Variants in SH3YL1 observed in about 807,000 individuals in gnomAD.
The protein encoded by SH3YL1 is SH3 domain-containing YSC84-like protein 1.
Under a neutral mutation model 45.8 loss-of-function variants are expected in SH3YL1, and 41 were observed. The observed-to-expected ratio is 0.89, with a 90% CI of 0.70 to 1.16. SH3YL1 has a LOEUF of 1.16. Among genes scored for constraint, SH3YL1 ranks in the 50% most tolerant of loss-of-function variants. SH3YL1 has a pLI of 0.00. For synonymous variants in SH3YL1, 152 were observed against 151.4 expected, an observed-to-expected ratio of 1.00 and a Z score of -0.03; for missense variants, 389 against 409.6, an observed-to-expected ratio of 0.95 and a Z score of 0.43.
chr2:232,129 T>A (rs775833413), intron 6 of SH3YL1, among the ~76,000 whole-genome samples: 3 of 152,226 alleles, frequency 2.0e-5, no homozygotes, highest in Non-Finnish European at 4.4e-5. Flanking sequence ...TTTACACATA[T>A]TTTAGTGGCA....
Position 249,919 on chromosome 2 carries a change from G to C in SH3YL1, c.113-75C>G, listed in dbSNP as rs80217754. 3,157 of 1,032,632 alleles carry C rather than the reference G, an allele frequency of 3.1e-3. 62 individuals carry two copies. The African/African-American group carries it at 0.043, about 14-fold the overall frequency. The allele number at this position is 1,032,632 out of a possible 1,614,324, so 64.0% of individuals were successfully genotyped here. ...TGGATAGACGAGCAAGTGTTAAACA[G>C]AGTCAGTGTACACAGAGGTTATCTC... On this transcript the variant is annotated intron_variant, in intron 2 of 9. Transcript: ENST00000356150.
At chr2:262,360 G>C in intron 1 of SH3YL1, 1 of 258,960 alleles carries the variant, frequency 3.9e-6, no homozygotes. Context: ...CTTGTTTCCA[G>C]TCCCCCAACC....
chr2:257,206 C>A (rs577533298), intron 1 of SH3YL1, among the ~76,000 whole-genome samples: 2 of 152,088 alleles, frequency 1.3e-5, no homozygotes, highest in Admixed American at 1.3e-4. Flanking sequence ...TTGATAGTTT[C>A]TTTTGCTGTT....
Position 231,170 on chromosome 2 carries a change from T to A in SH3YL1, c.555A>T (p.Arg185=), listed in dbSNP as rs779882207. ...TNRKFYCQDI[R]AYDILFGDTP... is the part of the protein sequence containing the mutation. ...TATCTCCAAATAAAATGTCATAAGCTCGGATATCTTGACAATAAAATCTAA... is the reference window on the plus strand; with the variant it reads ...TATCTCCAAATAAAATGTCATAAGCACGGATATCTTGACAATAAAATCTAA... The change falls in exon 7 of 10, where the codon CGA becomes CGT. Residue 185 remains arginine (R), a synonymous_variant. Transcript: ENST00000356150. The A allele has an allele frequency of 3.7e-6, 6 of 1,611,888 alleles. No individual in the cohort carries two copies. The highest frequency in any genetic ancestry group is 5.1e-6 in the Non-Finnish European group (6 of 1,178,988).
Position 247,600 on chromosome 2 carries a change from A to G in SH3YL1, c.229T>C (p.Trp77Arg). ...IVVARLPDGK[W>R]SAPSAIGIAG... ...ATCCCAATGGCTGAGGGTGCAGACCATTCTAATAAAAAAACAAACGAACGT... is the reference window on the plus strand; with the variant it reads ...ATCCCAATGGCTGAGGGTGCAGACCGTTCTAATAAAAAAACAAACGAACGT... The change falls in exon 4 of 10, where the codon TGG becomes CGG. Residue 77 changes from tryptophan to arginine, a missense_variant and splice_region_variant. Transcript: ENST00000356150. 6.5e-7 allele frequency: 1 copy of G among 1,549,302 alleles called. No homozygotes were observed. Among genetic ancestry groups the G allele is most frequent in the Non-Finnish European group, 8.7e-7 (1 of 1,146,128 alleles).
chr2:244,454 C>G (rs1668694340), intron 4 of SH3YL1, among the ~76,000 whole-genome samples: 1 of 150,724 alleles, frequency 6.6e-6, no homozygotes, highest in East Asian at 2.0e-4. Flanking sequence ...TGAGATTGCT[C>G]CACTGCACTC....
intron 1 of SH3YL1, 95 bp downstream of exon 1, chr2:263,889 A>G: frequency 9.5e-7 from 1 of 1,053,426 alleles, no homozygotes. Flanking sequence ...GAAACCCCAG[A>G]GGCATCGCCG....
intron 4 of SH3YL1, among the ~76,000 whole-genome samples, chr2:236,696 T>C (rs1668318710): frequency 6.6e-6 from 1 of 152,218 alleles, no homozygotes; most frequent in African/African-American, 2.4e-5. Context: ...AGACTCGTGC[T>C]TAAAATATGC....
intron 2 of SH3YL1, among the ~76,000 whole-genome samples, chr2:251,330 T>C (rs990803816): frequency 6.6e-6 from 1 of 152,246 alleles, no homozygotes; most frequent in Non-Finnish European, 1.5e-5. Flanking sequence ...TTAAATATTT[T>C]GTAGATGCAA....
chr2:264,063 G>A (rs916625742), upstream of SH3YL1: 121 of 1,353,996 alleles, frequency 8.9e-5, no homozygotes, highest in Admixed American at 7.5e-5. Flanking sequence ...CGCGGACAAG[G>A]AGGCCCCAGC....
In SH3YL1 at chr2:248,266, G is replaced by GT. The variant is rs1668922839; in HGVS notation, c.227-665dup. 2.0e-5 allele frequency among the ~76,000 whole-genome samples: 3 copies of GT among 152,088 alleles called. No individual in the cohort carries two copies. In the South Asian group the frequency reaches 6.2e-4, roughly 32 times the overall value. On this transcript the variant is annotated intron_variant, in intron 3 of 9. Transcript: ENST00000356150. Reference sequence around the variant, plus strand: ...TCATGTTAAACAAGTCTAGAAAAATGTATTTTCAATTTGGTGGGGGGATGG... The same window carrying GT: ...TCATGTTAAACAAGTCTAGAAAAATGTTATTTTCAATTTGGTGGGGGGATGG...
At chr2:230,069 C>T (rs750252988) in intron 7 of SH3YL1, 25 bp from the exon 8 acceptor site, 4 of 1,552,632 alleles carry the variant, frequency 2.6e-6, no homozygotes, top group Admixed American at 3.8e-5. Flanking sequence ...AAGATAAATA[C>T]ACATAATTTT....
intron 1 of SH3YL1, chr2:256,278 T>C (rs4455191): frequency 0.27 from 41,719 of 152,238 alleles, 6,802 homozygotes; most frequent in East Asian, 0.53. Context: ...GGTATTCTAA[T>C]GTGTGGACAT....
At chr2:264,167 G>T, upstream of SH3YL1, 1 of 850,734 alleles carries the variant, frequency 1.2e-6, no homozygotes, top group Non-Finnish European at 1.7e-6. Flanking sequence ...GCCGGGCCGC[G>T]CTCAGGCCTT....
At chr2:257,124 T>G (rs1669370539) in intron 1 of SH3YL1, among the ~76,000 whole-genome samples, 1 of 152,184 alleles carries the variant, frequency 6.6e-6, no homozygotes, top group Non-Finnish European at 1.5e-5. Flanking sequence ...TCTTATAGAT[T>G]CTGAATATTA....
At chr2:263,772 G>A (rs1301609785) in intron 1 of SH3YL1, 2 of 466,300 alleles carry the variant, frequency 4.3e-6, no homozygotes, top group African/African-American at 2.0e-5. Context: ...TCTAAAAATG[G>A]AAAAGACGGT....
intron 4 of SH3YL1, among the ~76,000 whole-genome samples, chr2:237,486 A>T (rs1168868526): frequency 2.0e-5 from 3 of 152,024 alleles, no homozygotes; most frequent in African/African-American, 7.3e-5. Flanking sequence ...AATCTGGAGG[A>T]GCTGAACAAC....
chr2:261,600 T>C (rs1165253551), intron 1 of SH3YL1, among the ~76,000 whole-genome samples: 1 of 152,188 alleles, frequency 6.6e-6, no homozygotes, highest in East Asian at 1.9e-4. Context: ...CAGCTTAAGA[T>C]CTGGAAATAA....
chr2:251,776 A>G (rs900689770), intron 2 of SH3YL1, among the ~76,000 whole-genome samples: 2 of 152,238 alleles, frequency 1.3e-5, no homozygotes, highest in Non-Finnish European at 2.9e-5. Context: ...TCAAGACAGG[A>G]GAAGTCACCG....
Sources: allele counts gnomAD v4.1 joint callset (sites outside exome capture counted in the v4.1 genomes callset), GRCh38; gene constraint gnomAD v4.1.1; transcripts MANE v1.5; gene names NCBI Gene and HGNC (gene_info 2026-07-23, HGNC 2026-07-21).